PDE3B: variants seen among roughly 807,000 people sequenced by gnomAD.
The protein encoded by PDE3B is cGMP-inhibited 3',5'-cyclic phosphodiesterase 3B.
Under a neutral mutation model 116.8 loss-of-function variants are expected in PDE3B, and 66 were observed. The ratio of observed to expected loss-of-function variants is 0.56; its 90% confidence interval spans 0.46 to 0.69. The LOEUF (loss-of-function observed/expected upper bound fraction) is 0.69, where lower values mean the gene tolerates loss of function less well. Among genes scored for constraint, PDE3B ranks in the 30% least tolerant of loss-of-function variants. The pLI is 0.00. For synonymous variants in PDE3B, 595 were observed against 533.6 expected, an observed-to-expected ratio of 1.12 and a Z score of -1.59; for missense variants, 1,384 against 1,368.1, an observed-to-expected ratio of 1.01 and a Z score of -0.18.
At chr11:14,844,255 T>C (rs904178184) in intron 12 of PDE3B, among the ~76,000 whole-genome samples, 1 of 152,182 alleles carries the variant, frequency 6.6e-6, no homozygotes, top group Non-Finnish European at 1.5e-5. Context: ...TTGAAACAAC[T>C]CATTGTTTTG....
chr11:14,665,320 G>A (rs1854097069), intron 1 of PDE3B, among the ~76,000 whole-genome samples: 1 of 152,250 alleles, frequency 6.6e-6, no homozygotes, highest in South Asian at 2.1e-4. Context: ...CATACTGAAT[G>A]GGCAAAAACT....
intron 1 of PDE3B, among the ~76,000 whole-genome samples, chr11:14,728,783 CATAAACAT>C (rs1856381769): frequency 6.6e-6 from 1 of 152,050 alleles, no homozygotes; most frequent in Non-Finnish European, 1.5e-5. Context: ...ACTCAGCTAT[CATAAACAT>C]AAAAATACTA....
intron 5 of PDE3B, among the ~76,000 whole-genome samples, chr11:14,808,668 C>CAATA (rs10626907): frequency 0.65 from 97,950 of 151,474 alleles, 31,737 homozygotes; most frequent in Middle Eastern, 0.7. Flanking sequence ...CTATTATCAC[C>CAATA]AATAAGTTTA....
chr11:14,892,358 C>G, the PDE3B span: 1 of 707,304 alleles, frequency 1.4e-6, no homozygotes, highest in Non-Finnish European at 2.3e-6. Flanking sequence ...CCCTTCGGGA[C>G]AACTACCTTC....
chr11:14,731,978 G>C (rs1414555644), intron 1 of PDE3B, among the ~76,000 whole-genome samples: 2 of 152,138 alleles, frequency 1.3e-5, no homozygotes, highest in East Asian at 1.9e-4. Context: ...GAATTCTAGG[G>C]GTTAGGAAAG....
chr11:14,810,158 AT>A (rs570745452), intron 5 of PDE3B, among the ~76,000 whole-genome samples: 41 of 150,350 alleles, frequency 2.7e-4, no homozygotes, highest in Middle Eastern at 3.4e-3. Context: ...AGTTGATAAC[AT>A]TTTTTTTTCT....
intron 5 of PDE3B, among the ~76,000 whole-genome samples, chr11:14,811,956 G>A (rs920581665): frequency 2.0e-5 from 3 of 151,880 alleles, no homozygotes; most frequent in African/African-American, 7.2e-5. Flanking sequence ...TGTTATTGGT[G>A]TATAAGAATG....
At chr11:14,852,626 A>G (rs782147936) in intron 12 of PDE3B, among the ~76,000 whole-genome samples, 1 of 152,168 alleles carries the variant, frequency 6.6e-6, no homozygotes, top group Non-Finnish European at 1.5e-5. Context: ...CTAGAATGGA[A>G]AGGAGATGGA....
At chr11:14,779,768 C>A (rs1209517516) in intron 2 of PDE3B, among the ~76,000 whole-genome samples, 2 of 152,120 alleles carry the variant, frequency 1.3e-5, no homozygotes, top group African/African-American at 4.8e-5. Context: ...AAGTAACAAG[C>A]AAAATAACCA....
Position 14,644,335 on chromosome 11 carries a change from C to T in PDE3B, c.260C>T (p.Ala87Val), listed in dbSNP as rs1056584. ...RARLSLGALA[A>V]FVLALLLGAE... ...CGCCTCTCGCTGGGCGCCCTGGCTG[C>T]CTTTGTCCTCGCCCTGCTGCTGGGC... The change falls in exon 1 of 16, where the codon GCC becomes GTC. Residue 87 changes from alanine to valine, a missense_variant. Around this residue, in one of 2 missense-constraint regions of PDE3B, gnomAD observed 956 missense variants for 806.8 expected, o/e 1.18. Coordinates refer to ENST00000282096, the MANE Select transcript of PDE3B (RefSeq NM_000922.4). The T allele has an allele frequency of 6.3e-7, 1 of 1,580,444 alleles. No homozygotes were observed. Among genetic ancestry groups the T allele is most frequent in the Non-Finnish European group, 8.6e-7 (1 of 1,167,598 alleles).
chr11:14,879,153 A>C, the PDE3B span: 6 of 1,613,094 alleles, frequency 3.7e-6, no homozygotes, highest in Admixed American at 1.0e-4. Context: ...TTGGCAAAAT[A>C]TCCACTGCTG....
chr11:14,690,133 T>G (rs1855003491), intron 1 of PDE3B, among the ~76,000 whole-genome samples: 3 of 152,202 alleles, frequency 2.0e-5, no homozygotes, highest in Non-Finnish European at 1.5e-5. Flanking sequence ...CCTGGTGATA[T>G]GGACGTGTCC....
intron 1 of PDE3B, among the ~76,000 whole-genome samples, chr11:14,664,402 GA>G (rs1465143899): frequency 6.6e-6 from 1 of 152,008 alleles, no homozygotes; most frequent in Non-Finnish European, 1.5e-5. Context: ...CAGAAGGCAA[GA>G]AATAACTAAA....
chr11:14,667,589 C>CA (rs1167435417), intron 1 of PDE3B, among the ~76,000 whole-genome samples: 2 of 147,626 alleles, frequency 1.4e-5, no homozygotes, highest in African/African-American at 2.5e-5. Flanking sequence ...GTCGCAAGGA[C>CA]AAAAAACCAA....
At chr11:14,647,960 T>A (rs552530665) in intron 1 of PDE3B, among the ~76,000 whole-genome samples, 1 of 151,782 alleles carries the variant, frequency 6.6e-6, no homozygotes, top group African/African-American at 2.4e-5. Context: ...ATTTAGAGAT[T>A]TGAAGCCCAA....
chr11:14,709,319 TTTA>T (rs1163228068), intron 1 of PDE3B, among the ~76,000 whole-genome samples: 4 of 152,150 alleles, frequency 2.6e-5, no homozygotes, highest in African/African-American at 9.7e-5. Context: ...CTTACCATGT[TTTA>T]TTGAATTTTA....
At chr11:14,655,488 C>T (rs1397034303) in intron 1 of PDE3B, among the ~76,000 whole-genome samples, 2 of 151,924 alleles carry the variant, frequency 1.3e-5, no homozygotes, top group African/African-American at 2.4e-5. Context: ...GTTATTAGCC[C>T]CCTTTTTTGA....
At chr11:14,687,709 C>T (rs2133802266) in intron 1 of PDE3B, among the ~76,000 whole-genome samples, 1 of 152,156 alleles carries the variant, frequency 6.6e-6, no homozygotes, top group East Asian at 1.9e-4. Context: ...TTGGGGTTTG[C>T]CACTGTTTTT....
intron 1 of PDE3B, among the ~76,000 whole-genome samples, chr11:14,656,658 T>C (rs989305292): frequency 2.0e-5 from 3 of 152,168 alleles, no homozygotes; most frequent in Non-Finnish European, 4.4e-5. Flanking sequence ...ACCTATCTTA[T>C]TGATGTGAAA....
Sources: gnomAD v4.1 joint callset for allele counts (sites outside exome capture counted in the v4.1 genomes callset) on GRCh38, gnomAD v4.1.1 for gene constraint, gnomAD v4.1.1 regional missense constraint, MANE v1.5 for transcripts, NCBI Gene and HGNC (gene_info 2026-07-23, HGNC 2026-07-21) for gene names.